CEMIP: variants seen among roughly 807,000 people sequenced by gnomAD.
CEMIP encodes cell migration-inducing and hyaluronan-binding protein.
CEMIP carries 105 observed loss-of-function variants against 156.9 expected under a neutral mutation model. That is an observed-to-expected ratio of 0.67 (90% confidence interval 0.57 to 0.79). The LOEUF (loss-of-function observed/expected upper bound fraction) is 0.79, where lower values mean the gene tolerates loss of function less well. Ranked by LOEUF, CEMIP falls within the 30% of genes least tolerant of loss-of-function variation. The probability of loss-of-function intolerance (pLI) is 0.00; values close to 1 mark genes in which losing one functional copy is unlikely to be tolerated. For synonymous variants in CEMIP, 676 were observed against 668.4 expected, an observed-to-expected ratio of 1.01 and a Z score of -0.17; for missense variants, 1,457 against 1,769.4, an observed-to-expected ratio of 0.82 and a Z score of 3.17.
chr15:80,935,254 C>T (rs138210744), intron 23 of CEMIP, among the ~76,000 whole-genome samples: 1 of 152,208 alleles, frequency 6.6e-6, no homozygotes, highest in East Asian at 1.9e-4. Flanking sequence ...CAGTCATGTC[C>T]TGAATAATTG....
chr15:80,896,901 T>C (rs1899250177), intron 12 of CEMIP, among the ~76,000 whole-genome samples: 2 of 152,236 alleles, frequency 1.3e-5, no homozygotes, highest in South Asian at 2.1e-4. Flanking sequence ...CAGGAACTAA[T>C]GGACTGTATC....
intron 1 of CEMIP, among the ~76,000 whole-genome samples, chr15:80,853,515 C>G (rs1368701433): frequency 6.6e-6 from 1 of 151,990 alleles, no homozygotes; most frequent in Non-Finnish European, 1.5e-5. Flanking sequence ...AAGTGGAGAC[C>G]CTGGCTCAAG....
At position 80,895,218 on chromosome 15, in the gene CEMIP, G is replaced by C. The variant is rs550165792; in HGVS notation, c.1219+96G>C. The C allele has an allele frequency of 9.7e-5, 150 of 1,548,750 alleles. 1 individual carries two copies. In the East Asian group the frequency reaches 3.3e-3, roughly 34 times the overall value. On this transcript the variant is annotated intron_variant, in intron 11 of 29. Transcript: ENST00000394685. ...AACTTCCAGACCTCTCAGTGAGACA[G>C]TGCTCCCAAAGGAGAGCACTTTTGT... is the stretch of plus-strand genomic sequence containing the variant.
At chr15:80,840,677 C>T (rs1384677892) in intron 1 of CEMIP, among the ~76,000 whole-genome samples, 1 of 152,166 alleles carries the variant, frequency 6.6e-6, no homozygotes, top group African/African-American at 2.4e-5. Flanking sequence ...CGTGGGAGGC[C>T]GGCCCTGGGC....
At position 80,788,084 on chromosome 15, in the gene CEMIP, T is replaced by G. The variant is rs566909807; in HGVS notation, c.-176+8470T>G. On this transcript the variant is annotated intron_variant, in intron 1 of 29. Coordinates refer to ENST00000394685, the MANE Select transcript of CEMIP (RefSeq NM_001293298.2). ...CCAGTGCCTCCCAGGCCCCTGTCGGTGTGCAAAGTCATGCTCCTTCTTGTA... is the reference window on the plus strand; with the variant it reads ...CCAGTGCCTCCCAGGCCCCTGTCGGGGTGCAAAGTCATGCTCCTTCTTGTA... Among the ~76,000 whole-genome samples, 9 of 152,212 alleles carry G rather than the reference T, an allele frequency of 5.9e-5. No individual in the cohort carries two copies. In the South Asian group the frequency reaches 1.9e-3, roughly 32 times the overall value.
At chr15:80,847,565 C>A (rs1897594257) in intron 1 of CEMIP, among the ~76,000 whole-genome samples, 1 of 152,180 alleles carries the variant, frequency 6.6e-6, no homozygotes, top group Non-Finnish European at 1.5e-5. Context: ...GTAGGACCCC[C>A]AGAATCCAAT....
intron 17 of CEMIP, among the ~76,000 whole-genome samples, chr15:80,923,892 C>T (rs1268966014): frequency 2.6e-5 from 4 of 152,152 alleles, no homozygotes; most frequent in Non-Finnish European, 5.9e-5. Context: ...TGCGAGTCAA[C>T]CCCACATCAT....
intron 21 of CEMIP, among the ~76,000 whole-genome samples, chr15:80,929,934 T>G (rs1308262952): frequency 6.6e-6 from 1 of 152,208 alleles, no homozygotes; most frequent in Non-Finnish European, 1.5e-5. Context: ...CTCAGTCAAT[T>G]CCTTGGAAAA....
intron 1 of CEMIP, among the ~76,000 whole-genome samples, chr15:80,808,275 G>C (rs1159599200): frequency 2.6e-5 from 4 of 152,190 alleles, no homozygotes; most frequent in Non-Finnish European, 4.4e-5. Context: ...CCTGATGCTG[G>C]GGATGGCCCA....
intron 1 of CEMIP, among the ~76,000 whole-genome samples, chr15:80,867,720 T>A (rs1351610367): frequency 6.6e-6 from 1 of 152,206 alleles, no homozygotes; most frequent in South Asian, 2.1e-4. Flanking sequence ...TTATCTGTGA[T>A]CCAGAGGGGT....
intron 1 of CEMIP, among the ~76,000 whole-genome samples, chr15:80,828,356 G>A (rs1897085438): frequency 6.6e-6 from 1 of 151,902 alleles, no homozygotes; most frequent in African/African-American, 2.4e-5. Context: ...CTCCAGCCTG[G>A]GTGAAAGAGT....
chr15:80,910,226 TGA>T (rs1899995385), intron 14 of CEMIP, among the ~76,000 whole-genome samples: 1 of 152,190 alleles, frequency 6.6e-6, no homozygotes, highest in Non-Finnish European at 1.5e-5. Context: ...AAAAGTAGGA[TGA>T]GTTGGCAATG....
intron 18 of CEMIP, 74 bp downstream of exon 18, chr15:80,924,780 C>G: frequency 8.1e-7 from 1 of 1,241,440 alleles, no homozygotes. Flanking sequence ...CCTTCAATCA[C>G]TCATTCATTC....
chr15:80,835,947 GT>G (rs139100226), intron 1 of CEMIP, among the ~76,000 whole-genome samples: 65 of 148,066 alleles, frequency 4.4e-4, no homozygotes, highest in East Asian at 3.6e-3. Flanking sequence ...ATTTTTAAGT[GT>G]TTTTTTTTTA....
At chr15:80,909,425 C>T in intron 14 of CEMIP, 119 bp downstream of exon 14, 2 of 1,026,412 alleles carry the variant, frequency 1.9e-6, no homozygotes, top group African/African-American at 1.6e-5. Flanking sequence ...ATCCTTAGTT[C>T]AGGTTTCAGA....
rs1325093137 is a variant in CEMIP at position 80,934,653 on chromosome 15, A to C, written c.3009+1193A>C. ...GGAATTGGGGTGTTAGAAAGGAGCT[A>C]AATGGTGGTTTGGGGGTGGAGGAGT... On this transcript the variant is annotated intron_variant, in intron 23 of 29. Transcript: ENST00000394685. 3.9e-5 allele frequency among the ~76,000 whole-genome samples: 6 copies of C among 152,296 alleles called. No homozygotes were observed. The East Asian group carries it at 9.6e-4, about 24-fold the overall frequency.
chr15:80,814,043 C>CTTT (rs778309859), intron 1 of CEMIP, among the ~76,000 whole-genome samples: 10,508 of 73,874 alleles, frequency 0.14, 1,297 homozygotes, highest in East Asian at 0.23. Context: ...AACTCTTTGG[C>CTTT]TTTTTTTTTT....
intron 14 of CEMIP, among the ~76,000 whole-genome samples, chr15:80,916,255 C>T (rs1035902320): frequency 2.6e-5 from 4 of 152,214 alleles, no homozygotes; most frequent in Non-Finnish European, 5.9e-5. Flanking sequence ...TGGTCACACC[C>T]TCCCCCGCCA....
At chr15:80,914,866 A>G (rs944906963) in intron 14 of CEMIP, among the ~76,000 whole-genome samples, 1 of 151,960 alleles carries the variant, frequency 6.6e-6, no homozygotes, top group Non-Finnish European at 1.5e-5. Flanking sequence ...TACTCAGATC[A>G]GTCTCCCCCA....
Sources: allele counts gnomAD v4.1 joint callset (sites outside exome capture counted in the v4.1 genomes callset), GRCh38; gene constraint gnomAD v4.1.1; transcripts MANE v1.5; gene names NCBI Gene and HGNC (gene_info 2026-07-23, HGNC 2026-07-21).